CLVS1: variants seen among roughly 807,000 people sequenced by gnomAD.
CLVS1 encodes clavesin 1.
In CLVS1, 10 loss-of-function variants were observed where a neutral mutation model predicts 33.1. The ratio of observed to expected loss-of-function variants is 0.30; its 90% confidence interval spans 0.19 to 0.51. The LOEUF is 0.51. CLVS1 is among the 20% of genes least tolerant of loss of function. CLVS1 has a pLI of 0.97. For synonymous variants in CLVS1, 163 were observed against 166.1 expected (o/e 0.98, Z 0.14); for missense variants, 343 against 433.4 (o/e 0.79, Z 1.85).
chr8:61,463,362 C>T (rs1469725662), intron 5 of CLVS1, among the ~76,000 whole-genome samples: 1 of 152,180 alleles, frequency 6.6e-6, no homozygotes, highest in South Asian at 2.1e-4. Context: ...TGAAGTAGCA[C>T]TTTTAATGCT....
intron 1 of CLVS1, among the ~76,000 whole-genome samples, chr8:61,061,602 A>G (rs1418582376): frequency 6.6e-6 from 1 of 152,048 alleles, no homozygotes; most frequent in Non-Finnish European, 1.5e-5. Context: ...GGCATCCCCA[A>G]AGGAGGGATT....
intron 2 of CLVS1, among the ~76,000 whole-genome samples, chr8:61,193,356 A>G (rs1285720636): frequency 6.6e-6 from 1 of 151,856 alleles, no homozygotes; most frequent in Admixed American, 6.6e-5. Context: ...AACATCACAC[A>G]CCTGGGCCTG....
intron 1 of CLVS1, among the ~76,000 whole-genome samples, chr8:61,094,561 C>T (rs565995474): frequency 4.3e-4 from 66 of 152,252 alleles, no homozygotes; most frequent in South Asian, 2.1e-3. Flanking sequence ...CAAATTCACA[C>T]GTTGAAGCCC....
At chr8:61,357,489 C>CTTTTTTTTTTTTTTTTTT (rs1462908906) in intron 2 of CLVS1, among the ~76,000 whole-genome samples, 3 of 30,266 alleles carry the variant, frequency 9.9e-5, no homozygotes, top group South Asian at 1.4e-3. Flanking sequence ...TTTCCTTTTT[C>CTTTTTTTTTTTTTTTTTT]TTTTCTTTTT....
intron 1 of CLVS1, among the ~76,000 whole-genome samples, chr8:61,088,836 C>T (rs548146283): frequency 6.7e-6 from 1 of 148,852 alleles, no homozygotes; most frequent in Admixed American, 6.7e-5. Flanking sequence ...GAGTCTCGCT[C>T]TGTCGCCCAG....
chr8:61,362,043 G>A (rs10094365), intron 2 of CLVS1, among the ~76,000 whole-genome samples: 55,709 of 152,060 alleles, frequency 0.37, 12,393 homozygotes, highest in East Asian at 0.64. Flanking sequence ...TTAATATCAA[G>A]GGTAAGGGGA....
intron 1 of CLVS1, among the ~76,000 whole-genome samples, chr8:61,119,642 G>C (rs1805814663): frequency 6.7e-6 from 1 of 148,580 alleles, no homozygotes; most frequent in East Asian, 2.0e-4. Flanking sequence ...AGCTTAGTTT[G>C]GCTGGATATG....
chr8:61,445,454 C>T (rs1221142160), intron 3 of CLVS1, among the ~76,000 whole-genome samples: 3 of 151,770 alleles, frequency 2.0e-5, no homozygotes, highest in African/African-American at 4.8e-5. Flanking sequence ...ACCTCCCTCC[C>T]CTCTCTCTCT....
At chr8:61,079,881 TG>T (rs1804990754) in intron 1 of CLVS1, among the ~76,000 whole-genome samples, 2 of 152,202 alleles carry the variant, frequency 1.3e-5, no homozygotes, top group African/African-American at 4.8e-5. Context: ...TGGTAAATTT[TG>T]TGTAATGTCT....
At chr8:61,125,258 C>A (rs1455003164) in intron 1 of CLVS1, among the ~76,000 whole-genome samples, 13 of 152,108 alleles carry the variant, frequency 8.5e-5, no homozygotes, top group Admixed American at 8.5e-4. Flanking sequence ...GTTGCAGAAG[C>A]ACCAAGTATT....
chr8:61,358,460 G>C (rs1286432876), intron 2 of CLVS1, among the ~76,000 whole-genome samples: 1 of 152,058 alleles, frequency 6.6e-6, no homozygotes, highest in Non-Finnish European at 1.5e-5. Context: ...CTATCTCTCT[G>C]AACTGCCCAA....
intron 2 of CLVS1, among the ~76,000 whole-genome samples, chr8:61,144,422 G>C (rs1188614647): frequency 6.6e-6 from 1 of 152,114 alleles, no homozygotes; most frequent in Non-Finnish European, 1.5e-5. Context: ...TGGTGTATAT[G>C]TGCCACATTT....
At chr8:61,077,467 A>G (rs1804939124) in intron 1 of CLVS1, among the ~76,000 whole-genome samples, 1 of 143,632 alleles carries the variant, frequency 7.0e-6, no homozygotes. Context: ...TATTATTATT[A>G]TTATTATTAT....
intron 2 of CLVS1, among the ~76,000 whole-genome samples, chr8:61,312,862 A>G (rs564712368): frequency 6.6e-6 from 1 of 152,270 alleles, no homozygotes; most frequent in South Asian, 2.1e-4. Context: ...GTGCCACTTA[A>G]TCTCTGATGA....
rs57456582 is a variant in CLVS1 at position 61,085,728 on chromosome 8, C to CAAAA, written c.-243+28510_-243+28513dup. Among the ~76,000 whole-genome samples, 559 of 115,054 alleles carry CAAAA rather than the reference C, an allele frequency of 4.9e-3. 1 individual carries two copies. The highest frequency in any genetic ancestry group is 7.1e-3 in the African/African-American group (237 of 33,246). 75.5% of individuals were successfully genotyped at this position (115,054 alleles called of 152,430 possible). On this transcript the variant is annotated intron_variant, in intron 1 of 2. Coordinates refer to the CLVS1 transcript ENST00000522621. The stretch of plus-strand genomic sequence containing the variant: ...CAAAATGGTGAAACCCCATCCCTAC[C>CAAAA]AAAAAAAAAAAAAAAGGGCACAGTG...
intron 3 of CLVS1, among the ~76,000 whole-genome samples, chr8:61,422,584 A>G (rs1003789261): frequency 6.6e-6 from 1 of 152,238 alleles, no homozygotes; most frequent in African/African-American, 2.4e-5. Flanking sequence ...GGCCTAATGT[A>G]TACCTAGTGC....
intron 3 of CLVS1, among the ~76,000 whole-genome samples, chr8:61,450,157 G>C (rs1816902684): frequency 6.6e-6 from 1 of 152,204 alleles, no homozygotes; most frequent in East Asian, 1.9e-4. Context: ...ATTAGAAGAA[G>C]AGAATGAAGC....
chr8:61,368,966 T>TCTTTC (rs1813322247), intron 2 of CLVS1, among the ~76,000 whole-genome samples: 1 of 152,164 alleles, frequency 6.6e-6, no homozygotes, highest in African/African-American at 2.4e-5. Context: ...CAGGATTTTT[T>TCTTTC]CTTTCCTTTC....
intron 1 of CLVS1, among the ~76,000 whole-genome samples, chr8:61,086,101 A>G (rs894029853): frequency 5.8e-5 from 8 of 136,996 alleles, no homozygotes; most frequent in African/African-American, 2.2e-4. Flanking sequence ...GTGGTGTGTG[A>G]CTGTAATCCC....
Sources: allele counts gnomAD v4.1 joint callset (sites outside exome capture counted in the v4.1 genomes callset), GRCh38; gene constraint gnomAD v4.1.1; transcripts MANE v1.5; gene names NCBI Gene and HGNC (gene_info 2026-07-23, HGNC 2026-07-21).